Variants in PRRT4 observed in about 807,000 individuals in gnomAD.
The protein encoded by PRRT4 is proline-rich transmembrane protein 4.
In PRRT4, 59 loss-of-function variants were observed where a neutral mutation model predicts 55.6. That is an observed-to-expected ratio of 1.06 (90% CI 0.86 to 1.32). PRRT4 has a LOEUF of 1.32. PRRT4 is among the 40% of genes most tolerant of loss of function. The probability of loss-of-function intolerance (pLI) is 0.00; values close to 1 mark genes in which losing one functional copy is unlikely to be tolerated. For synonymous variants in PRRT4, 606 were observed against 601.8 expected, an observed-to-expected ratio of 1.01 and a Z score of -0.10; for missense variants, 1,217 against 1,222.0, an observed-to-expected ratio of 1.00 and a Z score of 0.06.
exon 5 of PRRT4, chr7:128,351,414 G>T: frequency 2.0e-6 from 3 of 1,531,730 alleles, no homozygotes; most frequent in African/African-American, 1.4e-5. Flanking sequence ...CGGTGTAATC[G>T]CTGCAGGGAG....
chr7:128,361,485 G>A (rs1191372506), intron 1 of PRRT4, 63 bp from the exon 2 acceptor site: 1 of 153,594 alleles, frequency 6.5e-6, no homozygotes, highest in Non-Finnish European at 1.5e-5. Flanking sequence ...CCCTCGCCTA[G>A]TCCAGAGACC....
At chr7:128,352,660 G>A (rs1452252121) in exon 5 of PRRT4, 1 of 1,535,796 alleles carries the variant, frequency 6.5e-7, no homozygotes, top group Non-Finnish European at 8.7e-7. Flanking sequence ...ATCTGGGCCA[G>A]AGATGGGGAC....
chr7:128,360,027 G>C, exon 2 of PRRT4: 1 of 1,301,200 alleles, frequency 7.7e-7, no homozygotes. Flanking sequence ...TGGTGGGCAG[G>C]GACTCAGTTG....
At chr7:128,354,568 A>ACACACACACACAC (rs1562967733) in intron 4 of PRRT4, among the ~76,000 whole-genome samples, 2 of 121,280 alleles carry the variant, frequency 1.6e-5, no homozygotes, top group Admixed American at 8.1e-5. Flanking sequence ...TGGCTCAAAA[A>ACACACACACACAC]AAACACACAC....
chr7:128,359,363 A>G (rs1188574882), exon 2 of PRRT4: 8 of 1,474,384 alleles, frequency 5.4e-6, no homozygotes, highest in Non-Finnish European at 7.2e-6. Flanking sequence ...GCGCCCAGCA[A>G]TCTCTGCCAG....
exon 5 of PRRT4, chr7:128,351,826 T>C (rs1796982241): frequency 7.1e-7 from 1 of 1,404,256 alleles, no homozygotes; most frequent in East Asian, 3.0e-5. Context: ...CAGCACCTCA[T>C]AGCCCTGCAG....
chr7:128,356,675 T>C (rs543324600), intron 4 of PRRT4, among the ~76,000 whole-genome samples: 152 of 152,292 alleles, frequency 1.0e-3, no homozygotes, highest in African/African-American at 3.6e-3. Flanking sequence ...GAATAACTGG[T>C]GAGGCAGGCG....
exon 5 of PRRT4, chr7:128,351,202 G>T: frequency 6.5e-7 from 1 of 1,541,436 alleles, no homozygotes; most frequent in South Asian, 1.2e-5. Context: ...CTCCGGGGGC[G>T]CAGCGGGGCC....
rs994691143 is a variant in PRRT4, at chr7:128,351,110, T to G, written c.2446A>C (p.Met816Leu). The stretch of plus-strand genomic sequence containing the variant: ...CTGTCGGGGCTGGAACACAGCAGCA[T>G]GGACGAGCTGTCCCGCGAGAGTCCG... Residue 816 changes from methionine to leucine, a missense_variant, in exon 5 of 5, where the codon ATG (methionine) becomes CTG (leucine). Transcript: ENST00000535159. 2.6e-6 allele frequency: 4 copies of G among 1,548,220 alleles called. No individual in the cohort carries two copies. The African/African-American group carries it at 5.5e-5, about 21-fold the overall frequency.
intron 4 of PRRT4, among the ~76,000 whole-genome samples, chr7:128,355,373 T>G (rs1318902228): frequency 6.6e-6 from 1 of 152,150 alleles, no homozygotes; most frequent in African/African-American, 2.4e-5. Flanking sequence ...AATTTTTATA[T>G]TTTTAGTAGA....
At position 128,354,568 on chromosome 7, in the gene PRRT4, A is replaced by ACACAC. The variant is rs1562967733; in HGVS notation, c.878-1891_878-1890insGTGTG. 3.0e-3 allele frequency among the ~76,000 whole-genome samples: 361 copies of ACACAC among 121,328 alleles called. 1 individual carries two copies. Among genetic ancestry groups the ACACAC allele is most frequent in the South Asian group, 0.028 (100 of 3,604 alleles). The allele number at this position is 121,328 out of a possible 152,430, so 79.6% of individuals were successfully genotyped here. ...GACAGAGCGAGACTCTGGCTCAAAA[A>ACACAC]AAACACACACACACACACACACACA... On this transcript the variant is annotated intron_variant, in intron 4 of 4. Coordinates refer to ENST00000535159, the Ensembl canonical transcript of PRRT4.
At chr7:128,359,569 C>A in exon 2 of PRRT4, 1 of 1,496,692 alleles carries the variant, frequency 6.7e-7, no homozygotes, top group Non-Finnish European at 8.9e-7. Context: ...GGGCAGTGGG[C>A]CCATCGCTGG....
intron 4 of PRRT4, among the ~76,000 whole-genome samples, chr7:128,353,456 C>A (rs985630690): frequency 6.6e-6 from 1 of 152,074 alleles, no homozygotes; most frequent in African/African-American, 2.4e-5. Context: ...CACACATACA[C>A]GCACACACAC....
At position 128,358,734 on chromosome 7, in the gene PRRT4, G is replaced by C. The variant is rs1429463042; in HGVS notation, c.824C>G (p.Pro275Arg). ...ACTTAGGGAAGCAGCTGGGTCCAGA[G>C]GACTTGGGCTGGAGAGCTTCCTCTC... Residue 275 changes from proline to arginine, a missense_variant, in exon 4 of 5, where the codon CCT becomes CGT. By Grantham distance (103) the Pro-to-Arg change is moderately radical. Around this residue, in one of 3 missense-constraint regions of PRRT4, gnomAD observed 564 missense variants for 592.9 expected, o/e 0.95. Transcript: ENST00000535159. The surrounding 1 kb of genome is among the most constrained non-coding windows in gnomAD (Gnocchi z 4.4). 1 of 1,551,766 alleles carries C rather than the reference G, an allele frequency of 6.4e-7. No individual in the cohort carries two copies. The highest frequency in any genetic ancestry group is 1.2e-5 in the South Asian group (1 of 84,064).
chr7:128,351,444 C>A, exon 5 of PRRT4: 4 of 1,524,170 alleles, frequency 2.6e-6, no homozygotes, highest in Non-Finnish European at 3.5e-6. Flanking sequence ...GGGACGGGGC[C>A]GGGTTGGCCG....
intron 4 of PRRT4, among the ~76,000 whole-genome samples, chr7:128,354,344 A>G (rs1797065285): frequency 6.6e-6 from 1 of 152,142 alleles, no homozygotes. Flanking sequence ...CGAGCAGATC[A>G]CCTGAGGTCA....
At chr7:128,356,259 T>G (rs949885376) in intron 4 of PRRT4, among the ~76,000 whole-genome samples, 4 of 151,372 alleles carry the variant, frequency 2.6e-5, no homozygotes, top group Non-Finnish European at 5.9e-5. Flanking sequence ...CTCAAAAAAA[T>G]AAATAAATAA....
chr7:128,351,006 T>C, exon 5 of PRRT4: 1 of 1,550,070 alleles, frequency 6.5e-7, no homozygotes, highest in Non-Finnish European at 8.7e-7. Context: ...CCTGGTAGGA[T>C]CCTGAGGCCG....
At chr7:128,359,866 T>C in exon 2 of PRRT4, 1 of 1,481,288 alleles carries the variant, frequency 6.8e-7, no homozygotes, top group South Asian at 1.4e-5. Context: ...AGGCCTCACT[T>C]TGAGGTACGG....
Sources: gnomAD v4.1 joint callset for allele counts (sites outside exome capture counted in the v4.1 genomes callset) on GRCh38, gnomAD v4.1.1 for gene constraint, gnomAD v4.1.1 regional missense constraint, Gnocchi (gnomAD v3.1) non-coding constraint, MANE v1.5 for transcripts, NCBI Gene and HGNC (gene_info 2026-07-23, HGNC 2026-07-21) for gene names.